The following ESRRG variants were observed in gnomAD, a reference collection of about 807,000 sequenced individuals.
The protein encoded by ESRRG is estrogen-related receptor gamma.
In ESRRG, 13 loss-of-function variants were observed where a neutral mutation model predicts 44.0. The observed-to-expected ratio is 0.30, with a 90% CI of 0.19 to 0.47. The LOEUF (loss-of-function observed/expected upper bound fraction) is 0.47. Among genes scored for constraint, ESRRG ranks in the 20% least tolerant of loss-of-function variants. The probability of loss-of-function intolerance (pLI) is 1.00; values close to 1 mark genes in which losing one functional copy is unlikely to be tolerated. For missense variants in ESRRG, 395 were observed against 580.6 expected (o/e 0.68, Z 3.29); for synonymous variants, 215 against 214.6 (o/e 1.00, Z -0.02).
intron 1 of ESRRG, among the ~76,000 whole-genome samples, chr1:216,695,692 A>G (rs2080011413): frequency 6.6e-6 from 1 of 152,202 alleles, no homozygotes; most frequent in African/African-American, 2.4e-5. Flanking sequence ...ATCTCTGTTT[A>G]CTAATGTTAT....
chr1:216,528,261 A>G (rs995209588), intron 5 of ESRRG, among the ~76,000 whole-genome samples: 5 of 152,178 alleles, frequency 3.3e-5, no homozygotes, highest in Admixed American at 3.3e-4. Flanking sequence ...CCTATAAAGT[A>G]TATAGGATTT....
At chr1:216,670,802 T>C (rs927179350) in intron 2 of ESRRG, among the ~76,000 whole-genome samples, 1 of 151,936 alleles carries the variant, frequency 6.6e-6, no homozygotes, top group African/African-American at 2.4e-5. Context: ...GATTGGGAGA[T>C]AGAGGAGAGA....
chr1:217,065,214 G>A (rs945187281), intron 1 of ESRRG, among the ~76,000 whole-genome samples: 2 of 152,184 alleles, frequency 1.3e-5, no homozygotes, highest in African/African-American at 4.8e-5. Flanking sequence ...GCTTTTGATG[G>A]CAACTTAGGT....
At position 217,047,937 on chromosome 1, in the gene ESRRG, C is replaced by T. The variant is rs182368090; in HGVS notation, c.-106+41570G>A. ...AGCCCACATTTCCAGACCACGGTAT[C>T]GGGGAAGAAGAAGAAGATGGACAGA... On this transcript the variant is annotated intron_variant, in intron 1 of 7. Coordinates refer to the ESRRG transcript ENST00000359162. Among the ~76,000 whole-genome samples, 261 of 152,250 alleles carry T rather than the reference C, an allele frequency of 1.7e-3. 1 individual carries two copies. Among genetic ancestry groups the T allele is most frequent in the Middle Eastern group, 0.014 (4 of 294 alleles).
At chr1:216,682,876 T>TC (rs1385802977) in intron 1 of ESRRG, among the ~76,000 whole-genome samples, 9 of 152,046 alleles carry the variant, frequency 5.9e-5, no homozygotes, top group African/African-American at 2.2e-4. Context: ...AATGAGCTTT[T>TC]TTCCCCCCTG....
chr1:216,969,672 G>T (rs1836964), intron 1 of ESRRG, among the ~76,000 whole-genome samples: 78,196 of 151,838 alleles, frequency 0.51, 21,897 homozygotes, highest in Middle Eastern at 0.7. Flanking sequence ...CGCAACCTCC[G>T]CCTCCCTGGT....
intron 3 of ESRRG, among the ~76,000 whole-genome samples, chr1:216,575,692 G>A (rs1403475839): frequency 1.3e-5 from 2 of 152,164 alleles, no homozygotes; most frequent in East Asian, 1.9e-4. Flanking sequence ...CAGAACTCAC[G>A]TTCTTAAGCA....
intron 2 of ESRRG, among the ~76,000 whole-genome samples, chr1:216,776,553 TC>T (rs2093624057): frequency 6.6e-6 from 1 of 152,062 alleles, no homozygotes; most frequent in South Asian, 2.1e-4. Context: ...ATAGCATAGT[TC>T]CTAGTACAGT....
At chr1:216,744,631 C>T (rs1270555741) in intron 2 of ESRRG, among the ~76,000 whole-genome samples, 5 of 152,338 alleles carry the variant, frequency 3.3e-5, no homozygotes, top group Middle Eastern at 3.4e-3. Flanking sequence ...AATGCACACA[C>T]ATAGGACTTA....
chr1:216,896,947 G>A (rs1219113303), intron 2 of ESRRG, among the ~76,000 whole-genome samples: 1 of 152,178 alleles, frequency 6.6e-6, no homozygotes, highest in African/African-American at 2.4e-5. Context: ...AGGTTAAAAT[G>A]TTACCTAGAG....
chr1:216,736,076 G>C (rs111851864), intron 2 of ESRRG, among the ~76,000 whole-genome samples: 1 of 150,792 alleles, frequency 6.6e-6, no homozygotes, highest in East Asian at 1.9e-4. Context: ...TGAGAACAGG[G>C]GGGGAGTTTC....
At chr1:216,779,585 G>C (rs1434124932) in intron 2 of ESRRG, among the ~76,000 whole-genome samples, 1 of 96,992 alleles carries the variant, frequency 1.0e-5, no homozygotes, top group Non-Finnish European at 2.0e-5. Context: ...TAAATGGCTA[G>C]GGCAATATCC....
intron 5 of ESRRG, among the ~76,000 whole-genome samples, chr1:216,549,715 C>G (rs953215752): frequency 4.6e-5 from 7 of 152,154 alleles, no homozygotes; most frequent in South Asian, 4.2e-4. Flanking sequence ...AATACATTGC[C>G]CACACAGAGA....
chr1:217,060,963 A>C (rs1249443378), intron 1 of ESRRG, among the ~76,000 whole-genome samples: 3 of 144,606 alleles, frequency 2.1e-5, no homozygotes, highest in African/African-American at 7.6e-5. Flanking sequence ...TTCTATTTTG[A>C]AATATATCAA....
At chr1:217,048,661 T>C (rs1245264897) in intron 1 of ESRRG, among the ~76,000 whole-genome samples, 1 of 152,198 alleles carries the variant, frequency 6.6e-6, no homozygotes, top group Admixed American at 6.5e-5. Context: ...ATGAGCCATT[T>C]TAAAGGAAAG....
At chr1:216,558,931 G>A (rs1274527931) in intron 5 of ESRRG, among the ~76,000 whole-genome samples, 2 of 151,866 alleles carry the variant, frequency 1.3e-5, no homozygotes, top group South Asian at 2.1e-4. Context: ...GTGCAGTGAC[G>A]TGATCCGGGC....
chr1:217,073,197 C>CAAAAAAAAAA (rs34950214), intron 1 of ESRRG, among the ~76,000 whole-genome samples: 3 of 75,986 alleles, frequency 3.9e-5, no homozygotes, highest in African/African-American at 5.2e-5. Flanking sequence ...CCTTTCTGGA[C>CAAAAAAAAAA]AAAAAAAAAA....
chr1:217,082,132 C>G (rs975660700), intron 1 of ESRRG, among the ~76,000 whole-genome samples: 2 of 152,212 alleles, frequency 1.3e-5, no homozygotes, highest in Non-Finnish European at 1.5e-5. Flanking sequence ...AGGTGCCCAG[C>G]AACTACTTCC....
chr1:217,105,328 T>C lies in ESRRG; in HGVS notation c.-230+32339A>G, dbSNP rs73103071. Among the ~76,000 whole-genome samples the C allele has an allele frequency of 3.0e-3, 450 of 152,306 alleles. 2 individuals are homozygous for C. Among genetic ancestry groups the C allele is most frequent in the African/African-American group, 0.01 (432 of 41,558 alleles). On this transcript the variant is annotated intron_variant, in intron 1 of 8. Transcript: ENST00000366940. ...GTGATTCAGGCATGTGCTAAGTCCT[T>C]CATTATTTTTAACATCACAATAATC...
Sources: allele counts gnomAD v4.1 joint callset (sites outside exome capture counted in the v4.1 genomes callset), GRCh38; gene constraint gnomAD v4.1.1; transcripts MANE v1.5; gene names NCBI Gene and HGNC (gene_info 2026-07-23, HGNC 2026-07-21).